HNF1B: variants seen among roughly 807,000 people sequenced by gnomAD.
The protein encoded by HNF1B is hepatocyte nuclear factor 1-beta.
A neutral mutation model predicts 61.7 loss-of-function variants in HNF1B; 8 were observed. That is an observed-to-expected ratio of 0.13 (90% CI 0.08 to 0.23). The LOEUF (loss-of-function observed/expected upper bound fraction) is 0.23, where lower values mean the gene tolerates loss of function less well. HNF1B is among the 10% of genes least tolerant of loss of function. The pLI is 1.00. For missense variants in HNF1B, 562 were observed against 714.5 expected (o/e 0.79, Z 2.43); for synonymous variants, 314 against 287.7 (o/e 1.09, Z -0.93).
At chr17:37,704,835 A>T in intron 6 of HNF1B, 82 bp downstream of exon 6, 1 of 1,493,292 alleles carries the variant, frequency 6.7e-7, no homozygotes, top group Non-Finnish European at 9.3e-7. Flanking sequence ...AAGGAGACCT[A>T]CAGTTATTTT....
At position 37,723,150 on chromosome 17, in the gene HNF1B, T is replaced by C. The variant is rs527294361; in HGVS notation, c.1045+8445A>G. On this transcript the variant is annotated intron_variant, in intron 4 of 8. Coordinates refer to ENST00000617811, the MANE Select transcript of HNF1B (RefSeq NM_000458.4). ...GTCAGGAGATGGAGACCATCCTGGC[T>C]AACACGGTGAAACCCCGTCTCTACT... Among the ~76,000 whole-genome samples, 17 of 150,810 alleles carry C rather than the reference T, an allele frequency of 1.1e-4. No individual in the cohort carries two copies. The South Asian group carries it at 1.7e-3, about 15-fold the overall frequency.
intron 3 of HNF1B, 147 bp downstream of exon 3, chr17:37,733,410 T>C: frequency 1.1e-6 from 1 of 896,574 alleles, no homozygotes; most frequent in Non-Finnish European, 1.9e-6. Flanking sequence ...TGAATTGATA[T>C]TGGGGTTCTG....
chr17:37,735,884 A>G (rs1290525142), intron 2 of HNF1B, among the ~76,000 whole-genome samples: 1 of 152,086 alleles, frequency 6.6e-6, no homozygotes, highest in African/African-American at 2.4e-5. Flanking sequence ...TTAGCCTCCC[A>G]AGTAGCTGGG....
intron 1 of HNF1B, among the ~76,000 whole-genome samples, chr17:37,742,786 G>A (rs995352853): frequency 1.3e-5 from 2 of 151,346 alleles, no homozygotes; most frequent in African/African-American, 4.8e-5. Context: ...CGGGGGCTCC[G>A]CGGGCGGCTC....
chr17:37,721,007 GTTGT>G, intron 4 of HNF1B: 1 of 932,814 alleles, frequency 1.1e-6, no homozygotes, highest in Non-Finnish European at 1.3e-6. Flanking sequence ...AATAGGAGAT[GTTGT>G]TTAAGGGTTT....
chr17:37,705,012 G>A lies in HNF1B; in HGVS notation c.1244C>T (p.Thr415Ile). ...GGAGAGGCTGTGGATATTCGTCAAG[G>A]TGCTGACTGGGGGCAAACCTCCTCC... ...VSGGGLPPVSTLTNIHSLSHH... is the reference protein window; with the variant it reads ...VSGGGLPPVSILTNIHSLSHH... Residue 415 changes from threonine to isoleucine, a missense_variant, in exon 6 of 9, where the codon ACC (threonine) becomes ATC (isoleucine). Physicochemically the swap from Thr to Ile is moderately conservative, Grantham distance 89. This residue lies in a region of HNF1B where 211 missense variants were observed against 200.7 expected (regional missense o/e 1.05). Coordinates refer to ENST00000617811, the MANE Select transcript of HNF1B (RefSeq NM_000458.4). 1 of 1,614,108 alleles carries A rather than the reference G, an allele frequency of 6.2e-7. No individual in the cohort carries two copies. The highest frequency in any genetic ancestry group is 1.3e-5 in the African/African-American group (1 of 75,040).
Position 37,739,727 on chromosome 17 carries a change from T to C in HNF1B, c.345-88A>G, listed in dbSNP as rs2033936935. On this transcript the variant is annotated intron_variant, in intron 1 of 8. Coordinates refer to ENST00000617811, the MANE Select transcript of HNF1B (RefSeq NM_000458.4). ...TCTAGGGGGTGCTACCTATGGTCTA[T>C]GCAAAATTCTGAATTTTCCCCCCAT... The C allele has an allele frequency of 2.4e-6, 3 of 1,238,004 alleles. No individual in the cohort carries two copies. The African/African-American group carries it at 4.5e-5, about 19-fold the overall frequency. The allele number at this position is 1,238,004 out of a possible 1,614,324, so 76.7% of individuals were successfully genotyped here. A position where few individuals can be genotyped will look rare whatever the true frequency, so the allele number is the denominator to read the frequency against.
chr17:37,696,639 C>T (rs1403460326), intron 8 of HNF1B, among the ~76,000 whole-genome samples: 51 of 152,330 alleles, frequency 3.3e-4, no homozygotes, highest in Non-Finnish European at 4.4e-5. Context: ...CTTTGAACCT[C>T]TTTTACCCAG....
intron 5 of HNF1B, among the ~76,000 whole-genome samples, chr17:37,705,955 A>G (rs2032733034): frequency 6.6e-6 from 1 of 152,148 alleles, no homozygotes. Context: ...TTATAGTTTC[A>G]AAATAATTTT....
chr17:37,717,143 G>A (rs930316731), intron 4 of HNF1B, among the ~76,000 whole-genome samples: 3 of 152,112 alleles, frequency 2.0e-5, no homozygotes, highest in Non-Finnish European at 2.9e-5. Context: ...GCTTGCCCAC[G>A]ATGTGGCTTT....
chr17:37,731,571 C>A, intron 4 of HNF1B, 24 bp downstream of exon 4: 2 of 1,582,110 alleles, frequency 1.3e-6, no homozygotes, highest in Non-Finnish European at 1.7e-6. Flanking sequence ...GTTGCCGAGG[C>A]AGTGAGGCCC....
At chr17:37,698,779 T>C (rs1302581472) in intron 8 of HNF1B, among the ~76,000 whole-genome samples, 3 of 152,150 alleles carry the variant, frequency 2.0e-5, no homozygotes, top group African/African-American at 7.2e-5. Context: ...ATCATTCTAT[T>C]AGGGAACACT....
chr17:37,700,902 A>G lies in HNF1B; in HGVS notation c.1534+81T>C. On this transcript the variant is annotated intron_variant, in intron 7 of 8. Coordinates refer to ENST00000617811, the MANE Select transcript of HNF1B (RefSeq NM_000458.4). ...GTGACCAAGCCAATAAACTTCCGAG[A>G]AAGTTCAGACCCAGAGAGGGAAAGT... is the stretch of plus-strand genomic sequence containing the variant. 4.5e-6 allele frequency: 6 copies of G among 1,330,792 alleles called. No individual in the cohort carries two copies. In the South Asian group the frequency reaches 5.0e-5, roughly 11 times the overall value. 82.4% of individuals were successfully genotyped at this position (1,330,792 alleles called of 1,614,324 possible).
chr17:37,691,853 T>C (rs1328198000), intron 8 of HNF1B, among the ~76,000 whole-genome samples: 1 of 152,114 alleles, frequency 6.6e-6, no homozygotes, highest in African/African-American at 2.4e-5. Flanking sequence ...CCGAAGGGGA[T>C]AGATGATGAG....
At chr17:37,740,772 A>G (rs2147580418) in intron 1 of HNF1B, among the ~76,000 whole-genome samples, 1 of 152,324 alleles carries the variant, frequency 6.6e-6, no homozygotes, top group South Asian at 2.1e-4. Context: ...AATTTTAAAT[A>G]CTGGATAAGA....
At chr17:37,715,161 A>G (rs916211494) in intron 4 of HNF1B, among the ~76,000 whole-genome samples, 9 of 152,112 alleles carry the variant, frequency 5.9e-5, no homozygotes, top group African/African-American at 1.9e-4. Flanking sequence ...TTTTACATGC[A>G]CTAGACAGAG....
At chr17:37,689,146 C>CA (rs71368464) in intron 8 of HNF1B, among the ~76,000 whole-genome samples, 10,597 of 62,212 alleles carry the variant, frequency 0.17, 886 homozygotes, top group African/African-American at 0.34. Context: ...CTTGGTCTCA[C>CA]AAAAAAAAAA....
In HNF1B at chr17:37,687,317, T is replaced by C. The variant is rs756039892; in HGVS notation, c.*55A>G. The stretch of plus-strand genomic sequence containing the variant: ...TCCATGACAGCTGCCCAGAGGGTGA[T>C]GGTGTGGAAAACAGGGTCCTTGTTG... On this transcript the variant is annotated 3_prime_UTR_variant, in exon 9 of 9. Transcript: ENST00000617811. 10 of 1,613,896 alleles carry C rather than the reference T, an allele frequency of 6.2e-6. No individual in the cohort carries two copies. The highest frequency in any genetic ancestry group is 1.1e-5 in the South Asian group (1 of 91,084).
intron 5 of HNF1B, among the ~76,000 whole-genome samples, chr17:37,705,671 C>A (rs2032722068): frequency 1.3e-5 from 2 of 152,060 alleles, no homozygotes; most frequent in Admixed American, 1.3e-4. Context: ...AGTGTCTTTT[C>A]CTCATTGATT....
Sources: allele counts gnomAD v4.1 joint callset (sites outside exome capture counted in the v4.1 genomes callset), GRCh38; gene constraint gnomAD v4.1.1; regional missense constraint gnomAD v4.1.1; transcripts MANE v1.5; gene names NCBI Gene and HGNC (gene_info 2026-07-23, HGNC 2026-07-21).